GLIS3: variants seen among roughly 807,000 people sequenced by gnomAD.
GLIS3 encodes the protein GLIS family zinc finger 3, also known as zinc finger protein GLIS3.
In GLIS3, 53 loss-of-function variants were observed where a neutral mutation model predicts 78.6. That is an observed-to-expected ratio of 0.67 (90% CI 0.54 to 0.85). The LOEUF is 0.85. GLIS3 is among the 40% of genes least tolerant of loss of function. The pLI is 0.00. For missense variants in GLIS3, 1,703 were observed against 1,231.1 expected (o/e 1.38, Z -5.74); for synonymous variants, 684 against 509.9 (o/e 1.34, Z -4.60).
At chr9:4,096,278 G>C (rs956807148) in intron 4 of GLIS3, among the ~76,000 whole-genome samples, 2 of 152,138 alleles carry the variant, frequency 1.3e-5, no homozygotes, top group African/African-American at 4.8e-5. Context: ...AGGTAAATTT[G>C]GGTGTTTGGT....
chr9:4,064,868 T>A (rs1588582507), intron 4 of GLIS3, among the ~76,000 whole-genome samples: 1 of 152,264 alleles, frequency 6.6e-6, no homozygotes, highest in African/African-American at 2.4e-5. Flanking sequence ...CAAGAGAGCA[T>A]GTTAACTAGG....
intron 2 of GLIS3, among the ~76,000 whole-genome samples, chr9:4,274,505 G>A (rs555788651): frequency 3.9e-5 from 6 of 152,192 alleles, no homozygotes; most frequent in Admixed American, 2.6e-4. Context: ...ATACCCTCTT[G>A]CAAGTCCCCA....
chr9:4,393,490 T>A, the GLIS3 span, among the ~76,000 whole-genome samples: 1 of 152,216 alleles, frequency 6.6e-6, no homozygotes, highest in African/African-American at 2.4e-5. Flanking sequence ...CCTTATAATA[T>A]CTTTTCTAAC....
chr9:4,459,109 G>A, the GLIS3 span, among the ~76,000 whole-genome samples: 3 of 152,234 alleles, frequency 2.0e-5, no homozygotes, highest in Non-Finnish European at 2.9e-5. Flanking sequence ...TGGCTGCCAT[G>A]TGTAGGGGGC....
chr9:4,125,142 C>G (rs1832475635), intron 3 of GLIS3, among the ~76,000 whole-genome samples: 1 of 152,174 alleles, frequency 6.6e-6, no homozygotes, highest in Non-Finnish European at 1.5e-5. Context: ...TGTTATGTAA[C>G]TCAAACACAA....
intron 9 of GLIS3, among the ~76,000 whole-genome samples, chr9:3,830,159 G>A (rs575647645): frequency 2.2e-4 from 34 of 152,194 alleles, no homozygotes; most frequent in African/African-American, 8.2e-4. Context: ...AGTAATATTT[G>A]AAAATAATCA....
intron 4 of GLIS3, among the ~76,000 whole-genome samples, chr9:3,979,373 A>G (rs562248758): frequency 1.3e-5 from 2 of 152,234 alleles, no homozygotes; most frequent in Non-Finnish European, 2.9e-5. Context: ...CTCCTCATAG[A>G]CAGGACTAAC....
At chr9:4,397,746 AAGAGGAAAGGAGAGG>A in the GLIS3 span, among the ~76,000 whole-genome samples, 49 of 142,740 alleles carry the variant, frequency 3.4e-4, no homozygotes, top group South Asian at 1.8e-3. Flanking sequence ...AAGAGGGAGA[AAGAGGAAAGGAGAGG>A]AGAGGAAAGG....
At chr9:4,110,897 GAAAA>G (rs1831159552) in intron 4 of GLIS3, among the ~76,000 whole-genome samples, 1 of 152,086 alleles carries the variant, frequency 6.6e-6, no homozygotes, top group Non-Finnish European at 1.5e-5. Context: ...CTTCTTTTTG[GAAAA>G]ATAAATGTGT....
At chr9:3,869,547 C>T (rs1032500486) in intron 8 of GLIS3, among the ~76,000 whole-genome samples, 1 of 152,220 alleles carries the variant, frequency 6.6e-6, no homozygotes, top group Admixed American at 6.5e-5. Context: ...AGCAACTATG[C>T]ATTGTATCAA....
intron 8 of GLIS3, among the ~76,000 whole-genome samples, chr9:3,871,790 G>A (rs1420631275): frequency 1.3e-5 from 2 of 152,198 alleles, no homozygotes; most frequent in African/African-American, 4.8e-5. Context: ...GAGATGCACT[G>A]GAGACATTTT....
chr9:3,979,974 CA>C (rs1819121653), intron 4 of GLIS3, among the ~76,000 whole-genome samples: 1 of 152,054 alleles, frequency 6.6e-6, no homozygotes, highest in African/African-American at 2.4e-5. Flanking sequence ...ACCATGGAAG[CA>C]GGCAAAAGAG....
chr9:3,829,101 T>C (rs1817888700), intron 10 of GLIS3, among the ~76,000 whole-genome samples: 1 of 151,946 alleles, frequency 6.6e-6, no homozygotes, highest in Non-Finnish European at 1.5e-5. Flanking sequence ...GGGAGAGACA[T>C]GATGGCTCCT....
intron 2 of GLIS3, among the ~76,000 whole-genome samples, chr9:4,189,692 T>C (rs1818149212): frequency 6.6e-6 from 1 of 152,202 alleles, no homozygotes; most frequent in Non-Finnish European, 1.5e-5. Flanking sequence ...ACTGGGTGCA[T>C]ATATATTTAG....
At chr9:3,932,321 C>A in intron 6 of GLIS3, 39 bp downstream of exon 6, 1 of 1,472,212 alleles carries the variant, frequency 6.8e-7, no homozygotes, top group South Asian at 1.1e-5. Context: ...ATAATCTGAA[C>A]ATGCTTTTCC....
chr9:4,296,607 T>A (rs1816528634), intron 1 of GLIS3, among the ~76,000 whole-genome samples: 1 of 152,150 alleles, frequency 6.6e-6, no homozygotes, highest in South Asian at 2.1e-4. Context: ...AATCAGGGGA[T>A]CAACGATGCT....
At chr9:4,098,740 T>C (rs1057105245) in intron 4 of GLIS3, among the ~76,000 whole-genome samples, 3 of 152,222 alleles carry the variant, frequency 2.0e-5, no homozygotes, top group African/African-American at 7.2e-5. Flanking sequence ...ACGATCGAAA[T>C]GGAAATGTAA....
chr9:4,068,815 T>C (rs566815719), intron 4 of GLIS3, among the ~76,000 whole-genome samples: 2 of 143,560 alleles, frequency 1.4e-5, no homozygotes, highest in South Asian at 2.4e-4. Context: ...TTTTTGTGCA[T>C]GCATGCATGC....
At position 4,062,744 on chromosome 9, in the gene GLIS3, A is replaced by G. The variant is rs552155013; in HGVS notation, c.1710+55024T>C. On this transcript the variant is annotated intron_variant, in intron 4 of 10. Coordinates refer to ENST00000381971, the MANE Select transcript of GLIS3 (RefSeq NM_001042413.2). ...AGATTGAGACCATCCTGGCTAACAC[A>G]GCGAAACCCCATCTCTACTAAAAAT... is the stretch of plus-strand genomic sequence containing the variant. Among the ~76,000 whole-genome samples, 73 of 152,256 alleles carry G rather than the reference A, an allele frequency of 4.8e-4. No homozygotes were observed. In the Middle Eastern group the frequency reaches 0.017, roughly 35 times the overall value.
Sources: gnomAD v4.1 joint callset for allele counts (sites outside exome capture counted in the v4.1 genomes callset) on GRCh38, gnomAD v4.1.1 for gene constraint, MANE v1.5 for transcripts, NCBI Gene and HGNC (gene_info 2026-07-23, HGNC 2026-07-21) for gene names.